GPD1L: variants seen among roughly 807,000 people sequenced by gnomAD.
The protein encoded by GPD1L is glycerol-3-phosphate dehydrogenase 1-like protein.
A neutral mutation model predicts 32.9 loss-of-function variants in GPD1L; 17 were observed. The ratio of observed to expected loss-of-function variants is 0.52; its 90% CI spans 0.35 to 0.78. GPD1L has a LOEUF of 0.78. Ranked by LOEUF, GPD1L falls within the 30% of genes least tolerant of loss-of-function variation. The pLI is 0.01. For synonymous variants in GPD1L, 187 were observed against 165.9 expected (o/e 1.13, Z -0.98); for missense variants, 361 against 447.8 (o/e 0.81, Z 1.75).
chr3:32,150,307 A>G (rs1311600393), intron 5 of GPD1L, among the ~76,000 whole-genome samples: 2 of 152,200 alleles, frequency 1.3e-5, no homozygotes, highest in African/African-American at 2.4e-5. Flanking sequence ...TACAAAAATC[A>G]TAAGTATATT....
intron 5 of GPD1L, among the ~76,000 whole-genome samples, chr3:32,152,066 T>A (rs549027026): frequency 1.3e-5 from 2 of 152,298 alleles, no homozygotes; most frequent in Admixed American, 1.3e-4. Context: ...GATTTTTTCT[T>A]TTTTGGAATA....
Position 32,162,589 on chromosome 3 carries a change from G to T in GPD1L, c.959+2915G>T, listed in dbSNP as rs1023690925. Among the ~76,000 whole-genome samples the T allele has an allele frequency of 5.0e-5, 3 of 59,776 alleles. 1 individual carries two copies. In the South Asian group the frequency reaches 1.8e-3, roughly 35 times the overall value. The allele number at this position is 59,776 out of a possible 152,430, so 39.2% of individuals were successfully genotyped here. The stretch of plus-strand genomic sequence containing the variant: ...TTTAGTAGAGACGGGGTTTCACCTT[G>T]TTAGCCAGGATGGTCTCGATCTCCT... On this transcript the variant is annotated intron_variant, in intron 7 of 7. Transcript: ENST00000282541.
chr3:32,139,067 A>G (rs766081124), intron 3 of GPD1L, among the ~76,000 whole-genome samples: 3 of 152,124 alleles, frequency 2.0e-5, no homozygotes, highest in African/African-American at 4.8e-5. Context: ...TCTTGGATAT[A>G]TACCCTAAAG....
intron 5 of GPD1L, among the ~76,000 whole-genome samples, chr3:32,153,015 A>G (rs1267154261): frequency 2.0e-5 from 3 of 152,188 alleles, no homozygotes; most frequent in South Asian, 2.1e-4. Context: ...CTGGATAGCC[A>G]TATACTTGCA....
chr3:32,111,159 C>G (rs1700240409), intron 1 of GPD1L, among the ~76,000 whole-genome samples: 1 of 152,208 alleles, frequency 6.6e-6, no homozygotes, highest in South Asian at 2.1e-4. Context: ...AGCCACAGTG[C>G]CTGGCCCAAA....
In GPD1L at chr3:32,131,587, G is replaced by A. The variant is rs79113631; in HGVS notation, c.225+3334G>A. The stretch of plus-strand genomic sequence containing the variant: ...ATGTTGTAGCATGTATCAATACTTC[G>A]TTCCTTTTTATGGCTGAATACGATC... On this transcript the variant is annotated intron_variant, in intron 2 of 7. Transcript: ENST00000282541. 0.024 allele frequency among the ~76,000 whole-genome samples: 3,592 copies of A among 152,204 alleles called. 296 individuals are homozygous for A. The East Asian group carries it at 0.26, about 11-fold the overall frequency.
intron 1 of GPD1L, among the ~76,000 whole-genome samples, chr3:32,112,716 C>G (rs1257312902): frequency 1.3e-5 from 2 of 152,170 alleles, no homozygotes; most frequent in African/African-American, 2.4e-5. Context: ...CTTAACCTTT[C>G]ATTTCTTAAC....
At chr3:32,152,483 C>T (rs891789569) in intron 5 of GPD1L, among the ~76,000 whole-genome samples, 12 of 152,014 alleles carry the variant, frequency 7.9e-5, no homozygotes, top group Non-Finnish European at 1.5e-4. Context: ...CATGAGGGCA[C>T]GGTCTGTTCC....
At chr3:32,114,218 C>A (rs561130071) in intron 1 of GPD1L, among the ~76,000 whole-genome samples, 1 of 152,220 alleles carries the variant, frequency 6.6e-6, no homozygotes, top group Non-Finnish European at 1.5e-5. Flanking sequence ...CTTCAGCCAG[C>A]GTGACAGGGG....
chr3:32,117,983 C>T (rs1700355960), intron 1 of GPD1L, among the ~76,000 whole-genome samples: 1 of 152,176 alleles, frequency 6.6e-6, no homozygotes, highest in South Asian at 2.1e-4. Flanking sequence ...TTTGTACAGG[C>T]TGACAGAGGT....
In GPD1L at chr3:32,158,708, G is replaced by A. The variant is rs78194323; in HGVS notation, c.619-168G>A. ...ATATGGAAGCCCTGTCTCTCCTTTC[G>A]TCATCTCTTTCACCCAGGTGTACAA... On this transcript the variant is annotated intron_variant, in intron 5 of 7. Coordinates refer to ENST00000282541, the MANE Select transcript of GPD1L (RefSeq NM_015141.4). The A allele has an allele frequency of 1.3e-4, 189 of 1,452,228 alleles. No individual in the cohort carries two copies. In the East Asian group the frequency reaches 3.0e-3, roughly 23 times the overall value. The allele number at this position is 1,452,228 out of a possible 1,614,324, so 90.0% of individuals were successfully genotyped here.
intron 2 of GPD1L, 109 bp from the exon 3 acceptor site, chr3:32,138,478 A>C: frequency 1.0e-6 from 1 of 996,310 alleles, no homozygotes; most frequent in Non-Finnish European, 1.6e-6. Context: ...TATCTGTGCA[A>C]TGCTCTGCAC....
At chr3:32,125,901 C>T (rs922241364) in intron 1 of GPD1L, among the ~76,000 whole-genome samples, 1 of 151,764 alleles carries the variant, frequency 6.6e-6, no homozygotes, top group South Asian at 2.1e-4. Flanking sequence ...TCTTGATGAC[C>T]CCCCAAGAGT....
intron 5 of GPD1L, 167 bp from the exon 6 acceptor site, chr3:32,158,709 T>A: frequency 6.9e-7 from 1 of 1,458,152 alleles, no homozygotes; most frequent in Non-Finnish European, 9.1e-7. Context: ...TCTCCTTTCG[T>A]CATCTCTTTC....
chr3:32,119,213 A>G (rs1210888351), intron 1 of GPD1L, among the ~76,000 whole-genome samples: 1 of 152,258 alleles, frequency 6.6e-6, no homozygotes, highest in Non-Finnish European at 1.5e-5. Flanking sequence ...CAGTGGCTGC[A>G]GTATTTTACA....
intron 4 of GPD1L, among the ~76,000 whole-genome samples, chr3:32,142,163 G>A (rs554357845): frequency 4.6e-5 from 7 of 151,982 alleles, no homozygotes; most frequent in Non-Finnish European, 1.0e-4. Context: ...CCTGTCGCCA[G>A]GCTTGAGCGC....
At chr3:32,139,689 A>G (rs1206585184) in intron 3 of GPD1L, among the ~76,000 whole-genome samples, 3 of 152,224 alleles carry the variant, frequency 2.0e-5, no homozygotes, top group African/African-American at 4.8e-5. Flanking sequence ...AGAGTAGACA[A>G]ATGAAATGTG....
intron 5 of GPD1L, among the ~76,000 whole-genome samples, chr3:32,156,557 A>T (rs1172627386): frequency 1.3e-5 from 2 of 152,138 alleles, no homozygotes; most frequent in Admixed American, 1.3e-4. Context: ...AGGGCAAGAG[A>T]GGGCTCTGTT....
In GPD1L at chr3:32,134,703, G is replaced by A. The variant is rs138546997; in HGVS notation, c.226-3884G>A. ...AAGTCGCACTGTGTTGCTTAGGCTG[G>A]TCTTGAGCTCCTGGGCTCAAGCAGT... is the stretch of plus-strand genomic sequence containing the variant. On this transcript the variant is annotated intron_variant, in intron 2 of 7. Coordinates refer to ENST00000282541, the MANE Select transcript of GPD1L (RefSeq NM_015141.4). 8.5e-5 allele frequency among the ~76,000 whole-genome samples: 13 copies of A among 152,242 alleles called. 1 individual carries two copies. The highest frequency in any genetic ancestry group is 2.6e-4 in the African/African-American group (11 of 41,542).
Sources: allele counts gnomAD v4.1 joint callset (sites outside exome capture counted in the v4.1 genomes callset), GRCh38; gene constraint gnomAD v4.1.1; transcripts MANE v1.5; gene names NCBI Gene and HGNC (gene_info 2026-07-23, HGNC 2026-07-21).